INTS13: variants seen among roughly 807,000 people sequenced by gnomAD.
INTS13 encodes integrator complex subunit 13.
A neutral mutation model predicts 90.2 loss-of-function variants in INTS13; 35 were observed. The ratio of observed to expected loss-of-function variants is 0.39; its 90% CI spans 0.30 to 0.51. INTS13 has a LOEUF of 0.51. INTS13 is among the 20% of genes least tolerant of loss of function. The pLI is 0.80. For missense variants in INTS13, 601 were observed against 851.2 expected, an observed-to-expected ratio of 0.71 and a Z score of 3.66; for synonymous variants, 309 against 277.1, an observed-to-expected ratio of 1.11 and a Z score of -1.14.
At chr12:26,913,920 C>T in intron 13 of INTS13, 54 bp downstream of exon 13, 1 of 1,488,608 alleles carries the variant, frequency 6.7e-7, no homozygotes, top group Non-Finnish European at 9.1e-7. Flanking sequence ...TCTTGAGAAA[C>T]AATATGTATC....
chr12:26,936,475 G>A, intron 2 of INTS13, 104 bp downstream of exon 2: 2 of 818,410 alleles, frequency 2.4e-6, no homozygotes, highest in South Asian at 1.8e-5. Flanking sequence ...ACATTTTTAA[G>A]TAATAAACAC....
rs114347925 is a variant in INTS13, at chr12:26,905,603, C to T, written c.2082-67G>A. ...CATTAACATTTTGTCTCCTTATCTACCTTTCACATGAAAATTAAAATAATA... is the reference window on the plus strand; with the variant it reads ...CATTAACATTTTGTCTCCTTATCTATCTTTCACATGAAAATTAAAATAATA... On this transcript the variant is annotated intron_variant, in intron 16 of 16. Coordinates refer to ENST00000261191, the MANE Select transcript of INTS13 (RefSeq NM_018164.3). 2,920 of 1,398,362 alleles carry T rather than the reference C, an allele frequency of 2.1e-3. 37 individuals carry two copies. The African/African-American group carries it at 0.037, about 18-fold the overall frequency. The allele number at this position is 1,398,362 out of a possible 1,614,324, so 86.6% of individuals were successfully genotyped here. A position where few individuals can be genotyped will look rare whatever the true frequency, so the allele number is the denominator to read the frequency against.
rs561246794 is a variant in INTS13 at position 26,908,009 on chromosome 12, C to G, written c.1946-1572G>C. ...GTGGGAATGCAAAATGGTGCCACCA[C>G]TTTGGAAAAATAAGCTGGCAGTTTC... On this transcript the variant is annotated intron_variant, in intron 15 of 16. Coordinates refer to ENST00000261191, the MANE Select transcript of INTS13 (RefSeq NM_018164.3). 3.9e-5 allele frequency among the ~76,000 whole-genome samples: 6 copies of G among 152,290 alleles called. No homozygotes were observed. In the South Asian group the frequency reaches 8.3e-4, roughly 21 times the overall value.
At chr12:26,932,125 A>C (rs1366171887) in intron 3 of INTS13, among the ~76,000 whole-genome samples, 1 of 151,910 alleles carries the variant, frequency 6.6e-6, no homozygotes, top group Non-Finnish European at 1.5e-5. Context: ...ACCAAAAAAG[A>C]AAGCATAAAC....
intron 11 of INTS13, 110 bp from the exon 12 acceptor site, chr12:26,914,688 A>G (rs1420883392): frequency 2.4e-6 from 2 of 839,582 alleles, no homozygotes; most frequent in Non-Finnish European, 3.5e-6. Flanking sequence ...TGTGCAACAA[A>G]ACATTTTTTC....
chr12:26,924,371 G>C lies in INTS13; in HGVS notation c.788C>G (p.Thr263Arg). The C allele has an allele frequency of 6.2e-7, 1 of 1,612,148 alleles. No individual in the cohort carries two copies. The highest frequency in any genetic ancestry group is 1.1e-5 in the South Asian group (1 of 90,786). ...QHFDLASTTI[T>R]NIPMKEEQHA... ...ACTGCCTACCTTCATTGGAATATTT[G>C]TAATAGTAGTTGAAGCCAAGTCAAA... Residue 263 changes from threonine to arginine, a missense_variant, in exon 7 of 17, where the codon ACA (threonine) becomes AGA (arginine). Thr to Arg is a moderately conservative substitution (Grantham distance 71, BLOSUM62 -1). Transcript: ENST00000261191.
intron 8 of INTS13, among the ~76,000 whole-genome samples, chr12:26,921,426 G>A (rs1952116004): frequency 6.6e-6 from 1 of 152,172 alleles, no homozygotes; most frequent in African/African-American, 2.4e-5. Context: ...AGAAAGCCAT[G>A]GCTATCTTTC....
chr12:26,913,493 T>C lies in INTS13; in HGVS notation c.1769A>G (p.Asp590Gly), dbSNP rs1951848865. ...KEDKSEKAVK[D>G]YEQEKSWQDS... ...TTGCCAAGACTTTTCCTGTTCATAA[T>C]CTTTCACTGCTTTCTCTGACTTGTC... The change falls in exon 14 of 17, where the codon GAT becomes GGT. Residue 590 changes from aspartate (D) to glycine (G), a missense_variant. This residue lies in a region of INTS13 where 228 missense variants were observed against 272.5 expected (regional missense o/e 0.84). Coordinates refer to ENST00000261191, the MANE Select transcript of INTS13 (RefSeq NM_018164.3). The C allele has an allele frequency of 6.2e-7, 1 of 1,614,048 alleles. No individual in the cohort carries two copies. The highest frequency in any genetic ancestry group is 8.5e-7 in the Non-Finnish European group (1 of 1,180,028).
intron 8 of INTS13, chr12:26,919,187 G>GA (rs112449459): frequency 5.9e-4 from 88 of 149,998 alleles, no homozygotes; most frequent in South Asian, 1.6e-3. Context: ...AAGAAAAAAA[G>GA]AAAAAAAAAA....
At chr12:26,917,495 T>C (rs1417259099) in intron 9 of INTS13, 54 bp from the exon 10 acceptor site, 1 of 1,300,508 alleles carries the variant, frequency 7.7e-7, no homozygotes, top group East Asian at 2.3e-5. Context: ...ATTCCCACAA[T>C]TAAAAGAAAG....
chr12:26,910,921 C>T (rs532399931), intron 15 of INTS13, among the ~76,000 whole-genome samples: 9 of 152,194 alleles, frequency 5.9e-5, no homozygotes, highest in South Asian at 4.2e-4. Context: ...CTGCAACCTC[C>T]GCCTCCCAGG....
In INTS13 at chr12:26,914,087, T is replaced by G. The variant is rs1415947380; in HGVS notation, c.1461A>C (p.Thr487=). The change falls in exon 13 of 17, where the codon ACA becomes ACC. Residue 487 remains threonine (T), a synonymous_variant. Coordinates refer to ENST00000261191, the MANE Select transcript of INTS13 (RefSeq NM_018164.3). The part of the protein sequence containing the change: ...LASVIVKESL[T]EEDVLNCQKT... ...TTTGACAGTTTAACACATCTTCTTC[T>G]GTCAGAGATTCTTTCACAATAACAC... is the stretch of plus-strand genomic sequence containing the variant. 2 of 1,607,656 alleles carry G rather than the reference T, an allele frequency of 1.2e-6. No individual in the cohort carries two copies. Among genetic ancestry groups the G allele is most frequent in the Admixed American group, 3.4e-5 (2 of 58,706 alleles).
intron 3 of INTS13, among the ~76,000 whole-genome samples, chr12:26,931,994 G>A (rs1027684931): frequency 5.9e-5 from 9 of 151,376 alleles, no homozygotes; most frequent in African/African-American, 1.9e-4. Flanking sequence ...AGCTGAGGCC[G>A]GAGAATTGCT....
At chr12:26,919,738 G>C (rs1419361868) in intron 8 of INTS13, among the ~76,000 whole-genome samples, 1 of 151,214 alleles carries the variant, frequency 6.6e-6, no homozygotes, top group Non-Finnish European at 1.5e-5. Context: ...AAACAGACTA[G>C]TTCAGGTGGC....
intron 9 of INTS13, 76 bp from the exon 10 acceptor site, chr12:26,917,517 T>C: frequency 8.0e-7 from 1 of 1,245,068 alleles, no homozygotes; most frequent in Admixed American, 2.2e-5. Context: ...AAAAAAAACT[T>C]CTTCACTGAG....
chr12:26,917,623 C>G (rs778737449), intron 9 of INTS13, 21 bp downstream of exon 9: 31 of 1,584,344 alleles, frequency 2.0e-5, no homozygotes, highest in African/African-American at 4.0e-5. Flanking sequence ...TCGTCTTTTT[C>G]AGTTATTCTT....
In INTS13 at chr12:26,918,084, T is replaced by A. The variant is rs561273646; in HGVS notation, c.890-351A>T. Among the ~76,000 whole-genome samples, 95 of 152,048 alleles carry A rather than the reference T, an allele frequency of 6.2e-4. 2 individuals carry two copies. In the South Asian group the frequency reaches 0.015, roughly 24 times the overall value. ...TTGCGGTGAGCTGCGATCACGACAC[T>A]GCACTCCAGCCTAGGCAACAGAGTG... On this transcript the variant is annotated intron_variant, in intron 8 of 16. Transcript: ENST00000261191.
rs537336215 is a variant in INTS13, at chr12:26,928,089, A to C, written c.584+116T>G. 2 of 641,682 alleles carry C rather than the reference A, an allele frequency of 3.1e-6. 1 individual carries two copies. The highest frequency in any genetic ancestry group is 7.0e-5 in the South Asian group (2 of 28,742). 39.7% of individuals were successfully genotyped at this position (641,682 alleles called of 1,614,324 possible). A position where few individuals can be genotyped will look rare whatever the true frequency, so the allele number is the denominator to read the frequency against. On this transcript the variant is annotated intron_variant, in intron 5 of 16. Coordinates refer to ENST00000261191, the MANE Select transcript of INTS13 (RefSeq NM_018164.3). ...CTGATCAAACATACATTTTTTGACT[A>C]ATTTGTTGAGTCAATAGAGAATTCA...
intron 8 of INTS13, among the ~76,000 whole-genome samples, chr12:26,920,564 A>C (rs1952087433): frequency 6.6e-6 from 1 of 151,858 alleles, no homozygotes; most frequent in African/African-American, 2.4e-5. Context: ...ATGCCCGGCT[A>C]ATTTTTTGTA....
Sources: gnomAD v4.1 joint callset for allele counts (sites outside exome capture counted in the v4.1 genomes callset) on GRCh38, gnomAD v4.1.1 for gene constraint, gnomAD v4.1.1 regional missense constraint, MANE v1.5 for transcripts, NCBI Gene and HGNC (gene_info 2026-07-23, HGNC 2026-07-21) for gene names.